Variants in TSHR observed in about 807,000 individuals in gnomAD.
TSHR encodes the protein thyroid stimulating hormone receptor, also known as thyrotropin receptor.
TSHR carries 51 observed loss-of-function variants against 64.1 expected under a neutral mutation model. The observed-to-expected ratio is 0.80, with a 90% confidence interval of 0.64 to 1.01. The LOEUF is 1.01. Among genes scored for constraint, TSHR ranks in the 50% least tolerant of loss-of-function variants. TSHR has a pLI of 0.00. For missense variants in TSHR, 877 were observed against 942.8 expected (o/e 0.93, Z 0.91); for synonymous variants, 361 against 361.9 (o/e 1.00, Z 0.03).
At chr14:81,068,023 A>G (rs1193707406) in intron 2 of TSHR, among the ~76,000 whole-genome samples, 1 of 148,516 alleles carries the variant, frequency 6.7e-6, no homozygotes, top group African/African-American at 2.5e-5. Flanking sequence ...AGTGACAGTT[A>G]AATGATAATT....
chr14:81,143,551 G>A lies in TSHR; in HGVS notation c.1493G>A (p.Gly498Asp). The A allele has an allele frequency of 4.3e-6, 7 of 1,613,244 alleles. No individual in the cohort carries two copies. Among genetic ancestry groups the A allele is most frequent in the Non-Finnish European group, 5.9e-6 (7 of 1,180,034 alleles). ...WQTGPGCNTA[G>D]FFTVFASELS... ...ACAGGCCCTGGGTGCAACACGGCTG[G>A]TTTCTTCACTGTCTTTGCAAGCGAG... Residue 498 changes from glycine to aspartate, a missense_variant, in exon 10 of 10, where the codon GGT becomes GAT. Physicochemically the swap from Gly to Asp is moderately conservative, Grantham distance 94 (BLOSUM62 -1). Coordinates refer to ENST00000298171, the MANE Select transcript of TSHR (RefSeq NM_000369.5).
Position 81,088,164 on chromosome 14 carries a change from G to A in TSHR, c.392+136G>A, listed in dbSNP as rs567108767. 11 of 716,128 alleles carry A rather than the reference G, an allele frequency of 1.5e-5. No individual in the cohort carries two copies. In the East Asian group the frequency reaches 3.0e-4, roughly 19 times the overall value. The allele number at this position is 716,128 out of a possible 1,614,324, so 44.4% of individuals were successfully genotyped here. ...GGTGTATAGCCTGGGTCGGGGGCAAGGTATCGGGTGAAATGATCCACATTT... is the reference window on the plus strand; with the variant it reads ...GGTGTATAGCCTGGGTCGGGGGCAAAGTATCGGGTGAAATGATCCACATTT... On this transcript the variant is annotated intron_variant, in intron 4 of 9. Coordinates refer to ENST00000298171, the MANE Select transcript of TSHR (RefSeq NM_000369.5).
At chr14:81,086,672 G>T (rs1488240500) in intron 3 of TSHR, among the ~76,000 whole-genome samples, 2 of 152,114 alleles carry the variant, frequency 1.3e-5, no homozygotes, top group East Asian at 3.8e-4. Flanking sequence ...CAAGAAACTT[G>T]TCCAAGGTCA....
intron 1 of TSHR, among the ~76,000 whole-genome samples, chr14:80,978,170 C>A (rs939801056): frequency 6.6e-6 from 1 of 151,748 alleles, no homozygotes; most frequent in Non-Finnish European, 1.5e-5. Flanking sequence ...ATTGCACAGG[C>A]CAGGAAAGTT....
At chr14:81,101,318 C>G (rs564196021) in intron 7 of TSHR, among the ~76,000 whole-genome samples, 55 of 151,990 alleles carry the variant, frequency 3.6e-4, no homozygotes, top group African/African-American at 1.2e-3. Flanking sequence ...TGAAATTAAC[C>G]CTATGGAAAA....
At chr14:80,969,495 C>A (rs1411688408) in intron 1 of TSHR, among the ~76,000 whole-genome samples, 1 of 152,178 alleles carries the variant, frequency 6.6e-6, no homozygotes, top group African/African-American at 2.4e-5. Context: ...AATCAAACTG[C>A]CACCAAATGA....
At chr14:80,985,220 A>G (rs1888381456) in intron 1 of TSHR, among the ~76,000 whole-genome samples, 1 of 152,264 alleles carries the variant, frequency 6.6e-6, no homozygotes, top group South Asian at 2.1e-4. Flanking sequence ...ACTGCACTCC[A>G]GCCTGGGCGA....
At chr14:81,034,525 T>C (rs1884524327) in intron 1 of TSHR, among the ~76,000 whole-genome samples, 1 of 152,226 alleles carries the variant, frequency 6.6e-6, no homozygotes, top group Non-Finnish European at 1.5e-5. Context: ...AATCTGCCAT[T>C]TGTGAATTTA....
At chr14:81,002,119 A>T (rs35336887) in intron 1 of TSHR, among the ~76,000 whole-genome samples, 14,029 of 152,170 alleles carry the variant, frequency 0.092, 853 homozygotes, top group South Asian at 0.19. Context: ...ATCAATTATC[A>T]ATGGGATTGT....
intron 1 of TSHR, among the ~76,000 whole-genome samples, chr14:80,967,377 C>T (rs985707570): frequency 5.3e-5 from 8 of 150,640 alleles, no homozygotes; most frequent in East Asian, 2.0e-4. Flanking sequence ...CCTGCACCTC[C>T]GGATTCAAGC....
intron 8 of TSHR, among the ~76,000 whole-genome samples, chr14:81,127,418 T>C (rs1428775875): frequency 1.3e-5 from 2 of 152,184 alleles, no homozygotes; most frequent in African/African-American, 2.4e-5. Flanking sequence ...GCCAGTATGA[T>C]GATGATCATT....
chr14:81,006,212 G>A (rs13379243), intron 1 of TSHR, among the ~76,000 whole-genome samples: 16,220 of 152,114 alleles, frequency 0.11, 2,821 homozygotes, highest in African/African-American at 0.37. Context: ...CTATGTATTC[G>A]CTTGCTAGTG....
chr14:80,994,362 A>G (rs1295004616), intron 1 of TSHR: 1 of 151,980 alleles, frequency 6.6e-6, no homozygotes, highest in Non-Finnish European at 1.5e-5. Context: ...TCACAGAACT[A>G]GTGAAAAAAA....
intron 1 of TSHR, among the ~76,000 whole-genome samples, chr14:81,042,605 G>T (rs934337754): frequency 1.3e-5 from 2 of 152,246 alleles, no homozygotes; most frequent in Non-Finnish European, 1.5e-5. Context: ...TAGAAGTAGA[G>T]TGTAGGGAAG....
chr14:81,042,748 G>A (rs917421917), intron 1 of TSHR, among the ~76,000 whole-genome samples: 4 of 152,044 alleles, frequency 2.6e-5, no homozygotes, highest in East Asian at 1.9e-4. Context: ...TATAGTTAAC[G>A]ACATTGCATT....
At chr14:81,057,602 A>G (rs1357223248) in intron 1 of TSHR, among the ~76,000 whole-genome samples, 2 of 152,222 alleles carry the variant, frequency 1.3e-5, no homozygotes, top group African/African-American at 4.8e-5. Context: ...ACTCACATAG[A>G]ATAGTTCAGT....
chr14:81,063,589 C>T (rs1886392684), intron 2 of TSHR, among the ~76,000 whole-genome samples: 1 of 152,158 alleles, frequency 6.6e-6, no homozygotes, highest in Non-Finnish European at 1.5e-5. Context: ...CTACCTTATA[C>T]AACTGCCTAT....
At chr14:81,044,115 A>G (rs1885051373) in intron 1 of TSHR, among the ~76,000 whole-genome samples, 1 of 152,272 alleles carries the variant, frequency 6.6e-6, no homozygotes, top group Non-Finnish European at 1.5e-5. Context: ...GAGCTTCTGC[A>G]CAGCAAAAGA....
At chr14:81,055,825 G>A (rs1885756337) in intron 1 of TSHR, among the ~76,000 whole-genome samples, 1 of 152,180 alleles carries the variant, frequency 6.6e-6, no homozygotes, top group Non-Finnish European at 1.5e-5. Context: ...CAGGCTCATA[G>A]GTTGAAGGGA....
Sources: allele counts gnomAD v4.1 joint callset (sites outside exome capture counted in the v4.1 genomes callset), GRCh38; gene constraint gnomAD v4.1.1; transcripts MANE v1.5; gene names NCBI Gene and HGNC (gene_info 2026-07-23, HGNC 2026-07-21).